The following METTL27 variants were observed in gnomAD, a reference collection of about 807,000 sequenced individuals.
METTL27 encodes methyltransferase-like protein 27.
METTL27 carries 29 observed loss-of-function variants against 24.5 expected under a neutral mutation model. The observed-to-expected ratio is 1.18, with a 90% CI of 0.88 to 1.61. METTL27 has a LOEUF of 1.61. Ranked by LOEUF, METTL27 falls within the 40% of genes most tolerant of loss-of-function variation. METTL27 has a pLI of 0.00. For missense variants in METTL27, 341 were observed against 324.3 expected (o/e 1.05, Z -0.40); for synonymous variants, 138 against 146.8 (o/e 0.94, Z 0.43).
In METTL27 at chr7:73,834,751, T is replaced by G. The variant is rs782610506; in HGVS notation, c.730A>C (p.Arg244=). The change falls in exon 6 of 6, where the codon AGG becomes CGG. Residue 244 remains arginine (R), a synonymous_variant. Transcript: ENST00000297873. ...GGGCTGGGGGCTGGATCTCACTTCC[T>G]CAACCTGGGTCGCCTTCCACTTTCG... The part of the protein sequence containing the change: ...CTESGRRPRL[R]K The G allele has an allele frequency of 6.2e-7, 1 of 1,613,886 alleles. No homozygotes were observed. Among genetic ancestry groups the G allele is most frequent in the Non-Finnish European group, 8.5e-7 (1 of 1,179,914 alleles).
At position 73,835,376 on chromosome 7, in the gene METTL27, G is replaced by A. The variant is rs981134933; in HGVS notation, c.479-374C>T. 5.3e-4 allele frequency among the ~76,000 whole-genome samples: 76 copies of A among 144,588 alleles called. No homozygotes were observed. The East Asian group carries it at 0.011, about 20-fold the overall frequency. 94.9% of individuals were successfully genotyped at this position (144,588 alleles called of 152,430 possible). On this transcript the variant is annotated intron_variant, in intron 5 of 5. Transcript: ENST00000297873. Reference sequence around the variant, plus strand: ...GTGCCTGTGATTGCAGACTCGCGCCGCCACGCCTGACTGGTTTTGGTGGAG... The same window carrying A: ...GTGCCTGTGATTGCAGACTCGCGCCACCACGCCTGACTGGTTTTGGTGGAG...
chr7:73,837,045 A>G (rs3845201), intron 5 of METTL27, among the ~76,000 whole-genome samples: 29 of 148,138 alleles, frequency 2.0e-4, no homozygotes, highest in South Asian at 6.4e-4. Context: ...GATTAAGGGC[A>G]GTGCAAGATG....
At chr7:73,835,330 TCTCCTGA>T (rs1788137578) in intron 5 of METTL27, among the ~76,000 whole-genome samples, 1 of 142,368 alleles carries the variant, frequency 7.0e-6, no homozygotes, top group Non-Finnish European at 1.5e-5. Context: ...CCTGCCTGAC[TCTCCTGA>T]CTCAGCCTGC....
Position 73,840,120 on chromosome 7 carries a change from C to G in METTL27, c.389G>C (p.Gly130Ala). 1.3e-6 allele frequency: 2 copies of G among 1,563,760 alleles called. No individual in the cohort carries two copies. Among genetic ancestry groups the G allele is most frequent in the Non-Finnish European group, 1.7e-6 (2 of 1,157,294 alleles). ...LGQEPLPSPE[G>A]TFDAVLIVGA... Reference sequence around the variant, plus strand: ...GACTATCAGCACCGCGTCGAAGGTCCCTGTGTGTGTGTGGGGGGGGGTGGG... The same window carrying G: ...GACTATCAGCACCGCGTCGAAGGTCGCTGTGTGTGTGTGGGGGGGGGTGGG... Residue 130 changes from glycine (G) to alanine (A), a missense_variant and splice_region_variant, in exon 5 of 6, where the codon GGG becomes GCG. Physicochemically the swap from Gly to Ala is moderately conservative, Grantham distance 60 (BLOSUM62 0). Transcript: ENST00000297873.
rs1554636533 is a variant in METTL27, at chr7:73,842,010, G to C, written c.123+8C>G. 2 of 1,614,120 alleles carry C rather than the reference G, an allele frequency of 1.2e-6. No homozygotes were observed. Among genetic ancestry groups the C allele is most frequent in the Non-Finnish European group, 1.7e-6 (2 of 1,180,006 alleles). On this transcript the variant is annotated splice_region_variant and intron_variant, in intron 2 of 5. Transcript: ENST00000297873. ...GTCTAGTGGAGGCAAGGCCCCAAAT[G>C]AGTTTACCTGGTCGTAGTCCGGAGC... is the stretch of plus-strand genomic sequence containing the variant.
At chr7:73,836,027 G>C (rs1297952104) in intron 5 of METTL27, among the ~76,000 whole-genome samples, 27 of 136,434 alleles carry the variant, frequency 2.0e-4, no homozygotes, top group South Asian at 4.8e-4. Flanking sequence ...CAGCCGCCCC[G>C]TCTGGGAAGT....
intron 5 of METTL27, among the ~76,000 whole-genome samples, chr7:73,837,305 ATTT>A (rs1206654661): frequency 2.5e-5 from 2 of 81,628 alleles, no homozygotes; most frequent in African/African-American, 7.0e-5. Context: ...AAATAAATAA[ATTT>A]AAAAAAAATA....
chr7:73,842,349 G>T, intron 1 of METTL27, 141 bp downstream of exon 1: 2 of 777,158 alleles, frequency 2.6e-6, no homozygotes, highest in Non-Finnish European at 3.8e-6. Flanking sequence ...GCTGGGGGAA[G>T]GGCAAGGTGG....
In METTL27 at chr7:73,842,221, C is replaced by T. The variant is rs2130564015; in HGVS notation, c.-4-77G>A. 11 of 1,519,318 alleles carry T rather than the reference C, an allele frequency of 7.2e-6. No individual in the cohort carries two copies. The South Asian group carries it at 8.9e-5, about 12-fold the overall frequency. 94.1% of individuals were successfully genotyped at this position (1,519,318 alleles called of 1,614,324 possible). ...CTCCTTTCCCCCTTCCCTCCTCCCC[C>T]TTCAGAGGAGGCTGCCAGGCCTCCT... On this transcript the variant is annotated intron_variant, in intron 1 of 5. Transcript: ENST00000297873.
Position 73,841,031 on chromosome 7 carries a change from G to A in METTL27, c.252+39C>T, listed in dbSNP as rs562082028. On this transcript the variant is annotated intron_variant, in intron 3 of 5. Transcript: ENST00000297873. ...GGCAGTAGGAGATTTGAGGAAGTGC[G>A]GGGCTAAGGAGTAGGCAGGGGATCT... The A allele has an allele frequency of 1.0e-4, 145 of 1,429,630 alleles. No individual in the cohort carries two copies. In the Admixed American group the frequency reaches 1.1e-3, roughly 11 times the overall value. 88.6% of individuals were successfully genotyped at this position (1,429,630 alleles called of 1,614,324 possible). A position where few individuals can be genotyped will look rare whatever the true frequency, so the allele number is the denominator to read the frequency against.
chr7:73,839,566 G>A (rs1788293929), intron 5 of METTL27: 1 of 156,762 alleles, frequency 6.4e-6, no homozygotes, highest in Non-Finnish European at 1.4e-5. Context: ...TTTCCCAGAT[G>A]AGAAGACTGA....
At chr7:73,836,088 G>A (rs1344467699) in intron 5 of METTL27, among the ~76,000 whole-genome samples, 4 of 152,108 alleles carry the variant, frequency 2.6e-5, no homozygotes, top group East Asian at 1.9e-4. Flanking sequence ...AGGTGGGGGG[G>A]TCAGCCCCCC....
chr7:73,838,030 T>TG (rs1165274313), intron 5 of METTL27, among the ~76,000 whole-genome samples: 4 of 151,906 alleles, frequency 2.6e-5, no homozygotes, highest in African/African-American at 9.7e-5. Context: ...AACATTTTTT[T>TG]TTTGTAGAGA....
intron 5 of METTL27, 58 bp downstream of exon 5, chr7:73,839,973 C>A: frequency 6.6e-7 from 1 of 1,507,174 alleles, no homozygotes; most frequent in Non-Finnish European, 9.1e-7. Context: ...CTGCACTATG[C>A]ACAGGGGAAG....
intron 5 of METTL27, among the ~76,000 whole-genome samples, chr7:73,835,413 C>T (rs1788141309): frequency 6.9e-6 from 1 of 144,416 alleles, no homozygotes; most frequent in African/African-American, 2.6e-5. Context: ...CGGGGTTTCG[C>T]TGTGTTGGCC....
intron 5 of METTL27, among the ~76,000 whole-genome samples, chr7:73,836,556 A>C (rs112813222): frequency 7.6e-5 from 1 of 13,116 alleles, no homozygotes. Context: ...CTGCCCGGCC[A>C]GCCCCCCCAT....
intron 5 of METTL27, chr7:73,839,701 A>C: frequency 3.7e-6 from 1 of 273,582 alleles, no homozygotes; most frequent in Non-Finnish European, 6.9e-6. Flanking sequence ...TAGAGACAGG[A>C]TTTCACCTGA....
chr7:73,836,560 C>G (rs75195480), intron 5 of METTL27, among the ~76,000 whole-genome samples: 250 of 3,354 alleles, frequency 0.075, 7 homozygotes, highest in South Asian at 0.15. Flanking sequence ...CCGGCCAGCC[C>G]CCCCATCCGG....
chr7:73,835,299 A>G (rs1277190575), intron 5 of METTL27, among the ~76,000 whole-genome samples: 7 of 142,466 alleles, frequency 4.9e-5, no homozygotes, highest in Non-Finnish European at 9.2e-5. Flanking sequence ...TACTGCTGCC[A>G]TCTCGGCTCA....
Sources: gnomAD v4.1 joint callset for allele counts (sites outside exome capture counted in the v4.1 genomes callset) on GRCh38, gnomAD v4.1.1 for gene constraint, MANE v1.5 for transcripts, NCBI Gene and HGNC (gene_info 2026-07-23, HGNC 2026-07-21) for gene names.